Variants in TRMT11 observed in about 807,000 individuals in gnomAD.
TRMT11 encodes tRNA (guanine(10)-N(2))-methyltransferase TRMT11.
A neutral mutation model predicts 62.8 loss-of-function variants in TRMT11; 53 were observed. That is an observed-to-expected ratio of 0.84 (90% CI 0.68 to 1.06). TRMT11 has a LOEUF of 1.06. Ranked by LOEUF, TRMT11 falls within the 50% of genes least tolerant of loss-of-function variation. The pLI is 0.00. For synonymous variants in TRMT11, 188 were observed against 190.3 expected, an observed-to-expected ratio of 0.99 and a Z score of 0.10; for missense variants, 556 against 553.4, an observed-to-expected ratio of 1.00 and a Z score of -0.05.
intron 17 of TRMT11, among the ~76,000 whole-genome samples, chr6:126,061,651 G>A (rs566435168): frequency 6.6e-6 from 1 of 151,126 alleles, no homozygotes; most frequent in Admixed American, 6.6e-5. Context: ...TCCTTCATTT[G>A]GTAATGGCAC....
At chr6:126,047,590 A>C (rs1211657107) in intron 16 of TRMT11, among the ~76,000 whole-genome samples, 2 of 152,148 alleles carry the variant, frequency 1.3e-5, no homozygotes, top group Non-Finnish European at 2.9e-5. Context: ...TCAAGAGGGC[A>C]AGGTGTAAAA....
the TRMT11 span, among the ~76,000 whole-genome samples, chr6:126,222,114 G>A: frequency 6.6e-6 from 1 of 152,032 alleles, no homozygotes; most frequent in Non-Finnish European, 1.5e-5. Context: ...AAGACCAGAT[G>A]GTTGTAGATT....
intron 17 of TRMT11, among the ~76,000 whole-genome samples, chr6:126,110,286 G>T: frequency 6.6e-6 from 1 of 152,074 alleles, no homozygotes; most frequent in Non-Finnish European, 1.5e-5. Flanking sequence ...AAACACATAG[G>T]ATGATTTGGC....
chr6:126,186,745 A>C (rs1179053417), intron 1 of TRMT11, among the ~76,000 whole-genome samples: 2 of 151,818 alleles, frequency 1.3e-5, no homozygotes, highest in African/African-American at 2.4e-5. Flanking sequence ...TTGATGTTTT[A>C]TTTTCTGACA....
intron 12 of TRMT11, among the ~76,000 whole-genome samples, chr6:126,034,877 GA>G (rs550788787): frequency 6.7e-6 from 1 of 149,350 alleles, no homozygotes; most frequent in Non-Finnish European, 1.5e-5. Flanking sequence ...ATACTGTGCT[GA>G]AAAAAAAACA....
intron 21 of TRMT11, among the ~76,000 whole-genome samples, chr6:126,116,959 C>T (rs1192475465): frequency 6.6e-6 from 1 of 151,978 alleles, no homozygotes; most frequent in East Asian, 1.9e-4. Context: ...TCTCAGTCAC[C>T]ATCTGAGAAT....
chr6:126,073,917 C>T (rs1050539942), intron 17 of TRMT11, among the ~76,000 whole-genome samples: 2 of 152,098 alleles, frequency 1.3e-5, no homozygotes, highest in African/African-American at 2.4e-5. Context: ...CTTCACATGG[C>T]AGCAGCAAGG....
rs569923966 is a variant in TRMT11, at chr6:126,089,269, G to A, written c.*1438-23597G>A. Among the ~76,000 whole-genome samples the A allele has an allele frequency of 5.3e-5, 8 of 151,832 alleles. No homozygotes were observed. The East Asian group carries it at 1.2e-3, about 22-fold the overall frequency. On this transcript the variant is annotated intron_variant and NMD_transcript_variant, in intron 17 of 22. Coordinates refer to the TRMT11 transcript ENST00000648977. ...GCTGGGATTACAGGCGCCTGCCACC[G>A]TGCCCAGCAAATTTTTGCATTTTCA...
At chr6:126,098,184 G>A (rs1423331548) in intron 17 of TRMT11, among the ~76,000 whole-genome samples, 3 of 151,996 alleles carry the variant, frequency 2.0e-5, no homozygotes, top group East Asian at 1.9e-4. Flanking sequence ...TGTGCTTGGC[G>A]TCCACTCACT....
the TRMT11 span, among the ~76,000 whole-genome samples, chr6:126,236,601 T>G: frequency 6.6e-6 from 1 of 152,230 alleles, no homozygotes; most frequent in African/African-American, 2.4e-5. Flanking sequence ...TCCATCCAGA[T>G]AGTTGGATAT....
downstream of TRMT11, among the ~76,000 whole-genome samples, chr6:126,203,405 T>C (rs1326255411): frequency 6.6e-6 from 1 of 152,172 alleles, no homozygotes; most frequent in Admixed American, 6.5e-5. Flanking sequence ...AGCAGAAATA[T>C]CAGTAAATTT....
intron 12 of TRMT11, among the ~76,000 whole-genome samples, chr6:126,028,502 T>G (rs1316530929): frequency 1.3e-5 from 2 of 152,168 alleles, no homozygotes; most frequent in Non-Finnish European, 2.9e-5. Context: ...TAAAAAAGAC[T>G]CGGAGAAGCA....
chr6:126,185,635 AC>A (rs1778518241), intron 1 of TRMT11, among the ~76,000 whole-genome samples: 1 of 152,084 alleles, frequency 6.6e-6, no homozygotes, highest in South Asian at 2.1e-4. Flanking sequence ...AATAAATGAG[AC>A]CATAATTTAA....
At chr6:126,170,974 T>A (rs1009808629) in intron 21 of TRMT11, among the ~76,000 whole-genome samples, 2 of 152,130 alleles carry the variant, frequency 1.3e-5, no homozygotes, top group African/African-American at 2.4e-5. Context: ...GGGATGGTAT[T>A]TTTTACTGTA....
chr6:126,272,078 AGTT>A, the TRMT11 span, among the ~76,000 whole-genome samples: 3 of 152,302 alleles, frequency 2.0e-5, no homozygotes, highest in East Asian at 5.8e-4. Flanking sequence ...AAATGTACAT[AGTT>A]ATTATTATAG....
intron 17 of TRMT11, among the ~76,000 whole-genome samples, chr6:126,072,880 C>A (rs1776898685): frequency 6.6e-6 from 1 of 152,166 alleles, no homozygotes. Context: ...CAAAGACCCT[C>A]ACCTTCAAAA....
At chr6:126,222,545 G>A in the TRMT11 span, among the ~76,000 whole-genome samples, 4 of 151,618 alleles carry the variant, frequency 2.6e-5, no homozygotes, top group African/African-American at 4.8e-5. Context: ...TCACCTTCTC[G>A]GTTAGCTGCA....
intron 16 of TRMT11, among the ~76,000 whole-genome samples, chr6:126,050,930 G>A (rs1344775203): frequency 6.6e-6 from 1 of 152,170 alleles, no homozygotes; most frequent in Non-Finnish European, 1.5e-5. Flanking sequence ...CCTGGAAGAA[G>A]CTTGGAACCT....
chr6:125,991,619 A>G (rs1790643820), intron 1 of TRMT11, among the ~76,000 whole-genome samples: 1 of 152,106 alleles, frequency 6.6e-6, no homozygotes, highest in African/African-American at 2.4e-5. Flanking sequence ...TAAAATATTA[A>G]AATCAGTGAT....
Sources: gnomAD v4.1 joint callset for allele counts (sites outside exome capture counted in the v4.1 genomes callset) on GRCh38, gnomAD v4.1.1 for gene constraint, MANE v1.5 for transcripts, NCBI Gene and HGNC (gene_info 2026-07-23, HGNC 2026-07-21) for gene names.